Variants in PCDH15 observed in about 807,000 individuals in gnomAD.
PCDH15 encodes protocadherin-15.
Under a neutral mutation model 178.5 loss-of-function variants are expected in PCDH15, and 129 were observed. The ratio of observed to expected loss-of-function variants is 0.72; its 90% CI spans 0.63 to 0.84. The LOEUF (loss-of-function observed/expected upper bound fraction) is 0.84, where lower values mean the gene tolerates loss of function less well. PCDH15 is among the 40% of genes least tolerant of loss of function. The probability of loss-of-function intolerance (pLI) is 0.00; values close to 1 mark genes in which losing one functional copy is unlikely to be tolerated. For synonymous variants in PCDH15, 800 were observed against 732.0 expected, an observed-to-expected ratio of 1.09 and a Z score of -1.50; for missense variants, 2,230 against 2,099.9, an observed-to-expected ratio of 1.06 and a Z score of -1.21.
chr10:54,505,325 G>T (rs1242263588), intron 3 of PCDH15, among the ~76,000 whole-genome samples: 1 of 151,976 alleles, frequency 6.6e-6, no homozygotes, highest in Non-Finnish European at 1.5e-5. Context: ...CATACTTAGG[G>T]CAAAATGAAA....
intron 2 of PCDH15, among the ~76,000 whole-genome samples, chr10:54,929,336 T>A (rs1374513952): frequency 6.6e-6 from 1 of 152,130 alleles, no homozygotes; most frequent in East Asian, 1.9e-4. Context: ...GTCACTACAC[T>A]TCAATGGGTG....
chr10:54,746,990 T>C (rs758836960), intron 1 of PCDH15, among the ~76,000 whole-genome samples: 24 of 152,196 alleles, frequency 1.6e-4, no homozygotes, highest in Non-Finnish European at 2.8e-4. Flanking sequence ...ACAATGGTTT[T>C]ATAAGGTGTA....
chr10:55,083,774 G>C (rs887859885), intron 2 of PCDH15, among the ~76,000 whole-genome samples: 2 of 151,678 alleles, frequency 1.3e-5, no homozygotes, highest in Non-Finnish European at 3.0e-5. Context: ...CATGAAAACA[G>C]CAAACAATCT....
At chr10:54,674,172 C>T (rs1000758784) in intron 1 of PCDH15, among the ~76,000 whole-genome samples, 20 of 152,030 alleles carry the variant, frequency 1.3e-4, no homozygotes, top group African/African-American at 4.6e-4. Context: ...GTAAGGTCTT[C>T]GGCCAACTGA....
chr10:55,176,026 A>G (rs1839475325), intron 1 of PCDH15, among the ~76,000 whole-genome samples: 1 of 152,044 alleles, frequency 6.6e-6, no homozygotes, highest in Non-Finnish European at 1.5e-5. Flanking sequence ...CAAATAGTCA[A>G]GCAGGACTGA....
intron 8 of PCDH15, among the ~76,000 whole-genome samples, chr10:54,298,391 A>G (rs2059930438): frequency 6.6e-6 from 1 of 152,216 alleles, no homozygotes; most frequent in Admixed American, 6.5e-5. Flanking sequence ...AGGAAAAGCG[A>G]GATCAGAGAA....
Position 53,857,208 on chromosome 10 carries a change from G to A in PCDH15, c.3773C>T (p.Thr1258Ile), listed in dbSNP as rs1288310417. Residue 1258 changes from threonine (T) to isoleucine (I), a missense_variant, in exon 28 of 38, where the codon ACT becomes ATT. Transcript: ENST00000644397. ...MQVIVSNVPP[T>I]LVEKKIEDLT... is the part of the protein sequence containing the mutation. ...ATCTTCTATCTTTTTTTCCACTAGAGTAGGAGGCACATTGGAAACAATGAC... is the reference window on the plus strand; with the variant it reads ...ATCTTCTATCTTTTTTTCCACTAGAATAGGAGGCACATTGGAAACAATGAC... 1 of 1,610,580 alleles carries A rather than the reference G, an allele frequency of 6.2e-7. No homozygotes were observed. Among genetic ancestry groups the A allele is most frequent in the Non-Finnish European group, 8.5e-7 (1 of 1,177,382 alleles).
rs191448979 is a variant in PCDH15 at position 53,973,005 on chromosome 10, G to A, written c.2869-11113C>T. Among the ~76,000 whole-genome samples the A allele has an allele frequency of 6.9e-3, 1,045 of 151,968 alleles. 46 individuals carry two copies. The East Asian group carries it at 0.11, about 16-fold the overall frequency. On this transcript the variant is annotated intron_variant, in intron 21 of 37. Coordinates refer to ENST00000644397, the MANE Select transcript of PCDH15 (RefSeq NM_001384140.1). ...ACACATGCACACCTATGTTTATTGT[G>A]GTACTATTCACAATAGCAAAGACTT... is the stretch of plus-strand genomic sequence containing the variant.
At chr10:54,432,918 T>C (rs915462441) in intron 3 of PCDH15, among the ~76,000 whole-genome samples, 6 of 151,846 alleles carry the variant, frequency 4.0e-5, no homozygotes, top group Non-Finnish European at 5.9e-5. Flanking sequence ...AAATATCAAA[T>C]AGACATTTCT....
At chr10:55,308,751 G>A (rs1301389242) in intron 1 of PCDH15, among the ~76,000 whole-genome samples, 1 of 152,132 alleles carries the variant, frequency 6.6e-6, no homozygotes, top group African/African-American at 2.4e-5. Flanking sequence ...ATAATTATAA[G>A]TAGTTTTCCT....
At chr10:55,166,177 A>AGC (rs1207686509) in intron 2 of PCDH15, among the ~76,000 whole-genome samples, 1 of 152,138 alleles carries the variant, frequency 6.6e-6, no homozygotes, top group Non-Finnish European at 1.5e-5. Context: ...GTTCAAAAAG[A>AGC]GCCATCGACC....
At chr10:54,859,337 A>G (rs1953798496) in intron 3 of PCDH15, among the ~76,000 whole-genome samples, 1 of 152,052 alleles carries the variant, frequency 6.6e-6, no homozygotes, top group Non-Finnish European at 1.5e-5. Flanking sequence ...CTCACCCACA[A>G]TTTTTATATC....
chr10:55,326,862 G>C (rs890536256), intron 2 of PCDH15, among the ~76,000 whole-genome samples: 1 of 151,982 alleles, frequency 6.6e-6, no homozygotes, highest in Non-Finnish European at 1.5e-5. Flanking sequence ...TCTAGACAGT[G>C]CCAAAAAACT....
intron 1 of PCDH15, among the ~76,000 whole-genome samples, chr10:55,203,740 A>T (rs1418255916): frequency 6.6e-6 from 1 of 152,134 alleles, no homozygotes. Flanking sequence ...AACTTTGGAA[A>T]GATTCCTAAT....
intron 5 of PCDH15, among the ~76,000 whole-genome samples, chr10:54,357,954 T>C (rs2134403593): frequency 1.3e-5 from 2 of 152,090 alleles, no homozygotes; most frequent in African/African-American, 2.4e-5. Flanking sequence ...GAAAACTGGC[T>C]AGCCATATGG....
chr10:54,941,818 C>A, intron 2 of PCDH15, among the ~76,000 whole-genome samples: 1 of 152,126 alleles, frequency 6.6e-6, no homozygotes, highest in East Asian at 1.9e-4. Flanking sequence ...CTATTTCCCC[C>A]CCGTATTGTA....
chr10:55,305,885 C>T lies in PCDH15; in HGVS notation c.-156+13714G>A, dbSNP rs182562379. 1.9e-3 allele frequency among the ~76,000 whole-genome samples: 288 copies of T among 152,288 alleles called. 3 individuals are homozygous for T. Among genetic ancestry groups the T allele is most frequent in the African/African-American group, 6.2e-3 (256 of 41,564 alleles). ...CCATGCCTACCTTCCTCCTTGTAGA[C>T]ATGAACATGCCCAATGACAAAACAT... is the stretch of plus-strand genomic sequence containing the variant. On this transcript the variant is annotated intron_variant, in intron 1 of 5. Transcript: ENST00000458638.
intron 15 of PCDH15, among the ~76,000 whole-genome samples, chr10:54,128,022 T>C (rs189866792): frequency 3.3e-5 from 5 of 152,312 alleles, no homozygotes; most frequent in East Asian, 1.9e-4. Context: ...TTGTCTTTTT[T>C]CCTTTTATTT....
intron 28 of PCDH15, among the ~76,000 whole-genome samples, chr10:53,853,217 TA>T (rs752144255): frequency 8.2e-4 from 117 of 141,892 alleles, no homozygotes; most frequent in South Asian, 2.0e-3. Context: ...TATCCATATG[TA>T]AAAAAAAAAA....
Sources: gnomAD v4.1 joint callset for allele counts (sites outside exome capture counted in the v4.1 genomes callset) on GRCh38, gnomAD v4.1.1 for gene constraint, MANE v1.5 for transcripts, NCBI Gene and HGNC (gene_info 2026-07-23, HGNC 2026-07-21) for gene names.